The following DYNC2H1 variants were observed in gnomAD, a reference collection of about 807,000 sequenced individuals.
DYNC2H1 encodes dynein cytoplasmic 2 heavy chain 1.
A neutral mutation model predicts 570.0 loss-of-function variants in DYNC2H1; 410 were observed. That is an observed-to-expected ratio of 0.72 (90% confidence interval 0.66 to 0.78). The LOEUF is 0.78. Ranked by LOEUF, DYNC2H1 falls within the 30% of genes least tolerant of loss-of-function variation. The pLI, the probability that DYNC2H1 is intolerant of heterozygous loss-of-function variation, is 0.00. For missense variants in DYNC2H1, 4,865 were observed against 5,046.4 expected (o/e 0.96, Z 1.09); for synonymous variants, 1,688 against 1,677.6 (o/e 1.01, Z -0.15).
At position 103,151,179 on chromosome 11, in the gene DYNC2H1, G is replaced by A. The variant is rs577855676; in HGVS notation, c.2947-957G>A. Among the ~76,000 whole-genome samples the A allele has an allele frequency of 8.5e-5, 13 of 152,188 alleles. No individual in the cohort carries two copies. The highest frequency in any genetic ancestry group is 3.1e-4 in the African/African-American group (13 of 41,538). ...AGGTGTCCAATCATAGTTCACTGCA[G>A]CCTCAAACTCCTGGGCTCAAGCAGT... is the stretch of plus-strand genomic sequence containing the variant. On this transcript the variant is annotated intron_variant, in intron 20 of 88. Coordinates refer to ENST00000375735, the MANE Select transcript of DYNC2H1 (RefSeq NM_001377.3). The surrounding 1 kb of genome is among the most constrained non-coding windows in gnomAD (Gnocchi z 4.6).
chr11:103,446,037 T>TTTGTTGTTGTTG lies in DYNC2H1; in HGVS notation c.12457-9128_12457-9117dup, dbSNP rs61565760. Among the ~76,000 whole-genome samples the TTTGTTGTTGTTG allele has an allele frequency of 0.017, 2,555 of 150,572 alleles. 154 individuals are homozygous for TTTGTTGTTGTTG. In the East Asian group the frequency reaches 0.22, roughly 13 times the overall value. On this transcript the variant is annotated intron_variant, in intron 85 of 88. Coordinates refer to ENST00000375735, the MANE Select transcript of DYNC2H1 (RefSeq NM_001377.3). This position sits in a 1 kb window ranked among gnomAD's most constrained non-coding sequence, Gnocchi z 4.5. ...TGACAATATGGTAATAGAGCAGAGT[T>TTTGTTGTTGTTG]TTGTTGTTGTTGTTGTTGTTGTTGT... is the stretch of plus-strand genomic sequence containing the variant.
rs1284989790 is a variant in DYNC2H1, at chr11:103,264,538, A to T, written c.10695+4561A>T. On this transcript the variant is annotated intron_variant, in intron 70 of 88. Coordinates refer to ENST00000375735, the MANE Select transcript of DYNC2H1 (RefSeq NM_001377.3). This position sits in a 1 kb window ranked among gnomAD's most constrained non-coding sequence, Gnocchi z 4.8. Reference sequence around the variant, plus strand: ...AAGTTGGCTTCATCCCTGGTTCAACATATGCAAATCAATAAATATAATCCA... The same window carrying T: ...AAGTTGGCTTCATCCCTGGTTCAACTTATGCAAATCAATAAATATAATCCA... Among the ~76,000 whole-genome samples the T allele has an allele frequency of 6.6e-6, 1 of 152,226 alleles. No homozygotes were observed. The highest frequency in any genetic ancestry group is 2.4e-5 in the African/African-American group (1 of 41,458).
At chr11:103,328,052 A>G (rs1224663226) in intron 82 of DYNC2H1, among the ~76,000 whole-genome samples, 1 of 152,180 alleles carries the variant, frequency 6.6e-6, no homozygotes, top group Non-Finnish European at 1.5e-5. Flanking sequence ...ACTTCATTTT[A>G]CTTTTTACTC....
At chr11:103,214,091 T>C (rs377662956) in intron 54 of DYNC2H1, among the ~76,000 whole-genome samples, 1 of 152,186 alleles carries the variant, frequency 6.6e-6, no homozygotes, top group Non-Finnish European at 1.5e-5. Context: ...GAGGGTGTCC[T>C]TTTCCCAATA....
In DYNC2H1 at chr11:103,311,866, T is replaced by A. The variant is rs1281616874; in HGVS notation, c.11494-12T>A. On this transcript the variant is annotated splice_polypyrimidine_tract_variant and intron_variant, in intron 78 of 88. Coordinates refer to ENST00000375735, the MANE Select transcript of DYNC2H1 (RefSeq NM_001377.3). ...ATTTTAGCAATAGGATGTCTGTTGA[T>A]TTTTTTTCTAGTCACCTCCAGGTTT... The A allele has an allele frequency of 6.3e-7, 1 of 1,595,756 alleles. No individual in the cohort carries two copies. The highest frequency in any genetic ancestry group is 8.5e-7 in the Non-Finnish European group (1 of 1,171,856).
chr11:103,370,396 T>G (rs1591640931), intron 83 of DYNC2H1, among the ~76,000 whole-genome samples: 1 of 152,274 alleles, frequency 6.6e-6, no homozygotes, highest in Admixed American at 6.5e-5. Context: ...TTGGGGAAGC[T>G]CACCAACCTG....
At chr11:103,128,779 T>G (rs1232463566) in intron 12 of DYNC2H1, 131 bp from the exon 13 acceptor site, 9 of 683,376 alleles carry the variant, frequency 1.3e-5, no homozygotes, top group Non-Finnish European at 1.9e-5. Flanking sequence ...AATGCCCTAT[T>G]GGAGATGAAA....
intron 52 of DYNC2H1, among the ~76,000 whole-genome samples, chr11:103,207,240 TTTA>T (rs60971560): frequency 0.17 from 4,935 of 29,070 alleles, 282 homozygotes; most frequent in African/African-American, 0.34. Flanking sequence ...TTTTTTTTTT[TTTA>T]AAAAAAGATG....
intron 88 of DYNC2H1, among the ~76,000 whole-genome samples, chr11:103,476,746 T>G (rs1945562180): frequency 6.6e-6 from 1 of 151,940 alleles, no homozygotes; most frequent in Non-Finnish European, 1.5e-5. Flanking sequence ...GGTATGTGTG[T>G]GGGCGGCGGA....
At chr11:103,184,159 T>C (rs1460648833) in intron 40 of DYNC2H1, among the ~76,000 whole-genome samples, 2 of 151,972 alleles carry the variant, frequency 1.3e-5, no homozygotes, top group Non-Finnish European at 2.9e-5. Flanking sequence ...GAGTTACTGT[T>C]TCCCACAACA....
chr11:103,206,561 C>T (rs1172824432), intron 52 of DYNC2H1, among the ~76,000 whole-genome samples: 4 of 151,972 alleles, frequency 2.6e-5, no homozygotes, highest in Admixed American at 6.6e-5. Flanking sequence ...CATTAAGAAA[C>T]TGGAGAGATG....
intron 6 of DYNC2H1, among the ~76,000 whole-genome samples, chr11:103,118,333 A>G (rs1001579980): frequency 9.2e-5 from 14 of 152,018 alleles, no homozygotes; most frequent in Admixed American, 9.2e-4. Flanking sequence ...TAGAAGAACT[A>G]TAGTTCTTTA....
At chr11:103,370,064 C>T (rs1038507196) in intron 83 of DYNC2H1, among the ~76,000 whole-genome samples, 5 of 152,198 alleles carry the variant, frequency 3.3e-5, no homozygotes, top group African/African-American at 1.2e-4. Flanking sequence ...GCTGGACCTG[C>T]CCTGGGCCAG....
chr11:103,321,125 A>G lies in DYNC2H1; in HGVS notation c.11822A>G (p.Gln3941Arg), dbSNP rs200583107. ...IDNYFDLRVL[Q>R]SYLKQFFNSS... ...AACTATTTTGACCTTAGAGTTCTTC[A>G]GTCATACCTGAAGCAGTTTTTTAAT... Residue 3941 changes from glutamine to arginine, a missense_variant, in exon 81 of 89, where the codon CAG becomes CGG. Transcript: ENST00000375735. The G allele has an allele frequency of 8.9e-5, 143 of 1,612,414 alleles. No homozygotes were observed. The highest frequency in any genetic ancestry group is 1.2e-4 in the Non-Finnish European group (136 of 1,179,176).
Position 103,233,955 on chromosome 11 carries a change from A to C in DYNC2H1, c.9441-79A>C. Reference sequence around the variant, plus strand: ...TCATTAAATTATGGCATAAAAGTTTACTTTATTACCTATGGATAATTTCAT... The same window carrying C: ...TCATTAAATTATGGCATAAAAGTTTCCTTTATTACCTATGGATAATTTCAT... On this transcript the variant is annotated intron_variant, in intron 60 of 88. Coordinates refer to ENST00000375735, the MANE Select transcript of DYNC2H1 (RefSeq NM_001377.3). 3.5e-6 allele frequency: 5 copies of C among 1,413,902 alleles called. No homozygotes were observed. The Admixed American group carries it at 7.9e-5, about 22-fold the overall frequency. 87.6% of individuals were successfully genotyped at this position (1,413,902 alleles called of 1,614,324 possible). A position where few individuals can be genotyped will look rare whatever the true frequency, so the allele number is the denominator to read the frequency against.
intron 26 of DYNC2H1, 36 bp downstream of exon 26, chr11:103,156,806 T>C: frequency 6.4e-7 from 1 of 1,573,090 alleles, no homozygotes. Context: ...ACACATATGG[T>C]ATTTTTTTTA....
chr11:103,188,388 T>C (rs957651212), intron 43 of DYNC2H1, 109 bp from the exon 44 acceptor site: 5 of 755,474 alleles, frequency 6.6e-6, no homozygotes, highest in African/African-American at 3.5e-5. Context: ...TTGAGTTAGA[T>C]AGATGATGAT....
Position 103,307,829 on chromosome 11 carries a change from G to A in DYNC2H1, c.11491G>A (p.Glu3831Lys). ...ACAGTCAAGTCTGAAGATAACATAT[G>A]AGGTAAGAAGATTTAAAACTTGGAT... is the stretch of plus-strand genomic sequence containing the variant. ...LLQSSLKITY[E>K]SPPGLKKNLM... Residue 3831 changes from glutamate to lysine, a missense_variant and splice_region_variant, in exon 78 of 89, where the codon GAG becomes AAG. Transcript: ENST00000375735. 6.4e-7 allele frequency: 1 copy of A among 1,560,166 alleles called. No individual in the cohort carries two copies. Among genetic ancestry groups the A allele is most frequent in the East Asian group, 2.3e-5 (1 of 43,766 alleles).
intron 75 of DYNC2H1, among the ~76,000 whole-genome samples, chr11:103,296,193 G>T (rs899560313): frequency 1.3e-5 from 2 of 152,058 alleles, no homozygotes; most frequent in African/African-American, 4.8e-5. Context: ...TTTTTGGTTT[G>T]TATGAAGGTA....
Sources: allele counts gnomAD v4.1 joint callset (sites outside exome capture counted in the v4.1 genomes callset), GRCh38; gene constraint gnomAD v4.1.1; non-coding constraint Gnocchi (gnomAD v3.1); transcripts MANE v1.5; gene names NCBI Gene and HGNC (gene_info 2026-07-23, HGNC 2026-07-21).